The following MCF2L2 variants were observed in gnomAD, a reference collection of about 807,000 sequenced individuals.
MCF2L2 encodes the protein probable guanine nucleotide exchange factor MCF2L2.
In MCF2L2, 102 loss-of-function variants were observed where a neutral mutation model predicts 150.2. The observed-to-expected ratio is 0.68, with a 90% CI of 0.58 to 0.80. The LOEUF (loss-of-function observed/expected upper bound fraction) is 0.80. Ranked by LOEUF, MCF2L2 falls within the 30% of genes least tolerant of loss-of-function variation. The pLI, the probability that MCF2L2 is intolerant of heterozygous loss-of-function variation, is 0.00. For missense variants in MCF2L2, 1,256 were observed against 1,372.8 expected, an observed-to-expected ratio of 0.91 and a Z score of 1.34; for synonymous variants, 465 against 491.3, an observed-to-expected ratio of 0.95 and a Z score of 0.71.
chr3:183,342,620 ATGTGTGTGTGTGTGTG>A (rs57683720), intron 3 of MCF2L2, among the ~76,000 whole-genome samples: 18,654 of 142,948 alleles, frequency 0.13, 1,281 homozygotes, highest in East Asian at 0.21. Context: ...TGAAGATTAA[ATGTGTGTGTGTGTGTG>A]TGTGTGTGTG....
intron 15 of MCF2L2, among the ~76,000 whole-genome samples, chr3:183,256,297 A>ATATCTCTGTG (rs913112673): frequency 6.6e-5 from 10 of 152,218 alleles, no homozygotes; most frequent in African/African-American, 2.4e-4. Context: ...TCTGTGAGCG[A>ATATCTCTGTG]AGATGTAACC....
intron 3 of MCF2L2, among the ~76,000 whole-genome samples, chr3:183,341,831 G>A (rs1000242084): frequency 6.6e-6 from 1 of 152,198 alleles, no homozygotes; most frequent in Non-Finnish European, 1.5e-5. Flanking sequence ...AGACCCACTG[G>A]AGGACTCCCT....
At chr3:183,308,122 CT>C (rs1729189334) in intron 10 of MCF2L2, among the ~76,000 whole-genome samples, 1 of 152,044 alleles carries the variant, frequency 6.6e-6, no homozygotes, top group South Asian at 2.1e-4. Context: ...TATTTGATTG[CT>C]TTTTAGTGAA....
chr3:183,241,784 G>T (rs1186886224), intron 15 of MCF2L2, among the ~76,000 whole-genome samples: 1 of 152,204 alleles, frequency 6.6e-6, no homozygotes, highest in Non-Finnish European at 1.5e-5. Context: ...AACAGGCAGA[G>T]GTTGAAACAG....
chr3:183,326,541 T>C (rs1476148305), intron 5 of MCF2L2, among the ~76,000 whole-genome samples: 1 of 151,018 alleles, frequency 6.6e-6, no homozygotes, highest in Non-Finnish European at 1.5e-5. Flanking sequence ...CAAACCTTTT[T>C]ATCCTGTGAA....
intron 10 of MCF2L2, among the ~76,000 whole-genome samples, chr3:183,306,862 T>G (rs1729124238): frequency 6.6e-6 from 1 of 152,184 alleles, no homozygotes; most frequent in Non-Finnish European, 1.5e-5. Context: ...AAGGCTGAAA[T>G]CAGGTGGTTC....
At chr3:183,221,456 G>A (rs1448751234) in intron 20 of MCF2L2, among the ~76,000 whole-genome samples, 3 of 152,166 alleles carry the variant, frequency 2.0e-5, no homozygotes, top group African/African-American at 7.2e-5. Flanking sequence ...AAGGGTCAGA[G>A]CCTGGATTCA....
intron 15 of MCF2L2, among the ~76,000 whole-genome samples, chr3:183,252,397 C>A (rs1724593379): frequency 6.6e-6 from 1 of 152,156 alleles, no homozygotes; most frequent in African/African-American, 2.4e-5. Flanking sequence ...GAGCCATGCC[C>A]TGTGTAGGCA....
chr3:183,329,760 T>C (rs73053362), intron 5 of MCF2L2, among the ~76,000 whole-genome samples: 35,371 of 152,210 alleles, frequency 0.23, 4,663 homozygotes, highest in African/African-American at 0.35. Flanking sequence ...TAGGCAATTT[T>C]GTTGCTATTC....
intron 15 of MCF2L2, among the ~76,000 whole-genome samples, chr3:183,235,469 T>C (rs1277859823): frequency 1.4e-5 from 1 of 71,126 alleles, no homozygotes; most frequent in Non-Finnish European, 2.5e-5. Context: ...CATTTCTTCA[T>C]GTGTTTTTTG....
chr3:183,419,472 A>T (rs1403327657), intron 1 of MCF2L2, among the ~76,000 whole-genome samples: 1 of 152,264 alleles, frequency 6.6e-6, no homozygotes, highest in Admixed American at 6.5e-5. Context: ...GGTAGGCTGC[A>T]AAATTTCCAA....
At position 183,341,683 on chromosome 3, in the gene MCF2L2, T is replaced by C. The variant is rs6799648; in HGVS notation, c.276-53A>G. 8,258 of 1,265,138 alleles carry C rather than the reference T, an allele frequency of 6.5e-3. 392 individuals are homozygous for C. In the African/African-American group the frequency reaches 0.1, roughly 16 times the overall value. The allele number at this position is 1,265,138 out of a possible 1,614,324, so 78.4% of individuals were successfully genotyped here. On this transcript the variant is annotated intron_variant, in intron 3 of 29. Coordinates refer to ENST00000328913, the MANE Select transcript of MCF2L2 (RefSeq NM_015078.4). ...GATTAGGTGAGACCCATATGCTCCA[T>C]GTGGCTCCCACAGCAGAATACACCC...
intron 15 of MCF2L2, among the ~76,000 whole-genome samples, chr3:183,238,914 G>A (rs1723870725): frequency 6.7e-6 from 1 of 149,674 alleles, no homozygotes; most frequent in African/African-American, 2.5e-5. Context: ...GGAGAATGGC[G>A]TGGACCCCGG....
chr3:183,380,297 A>G (rs1401914174), intron 2 of MCF2L2, among the ~76,000 whole-genome samples: 1 of 152,218 alleles, frequency 6.6e-6, no homozygotes, highest in African/African-American at 2.4e-5. Context: ...TCATGGGAGC[A>G]CTGTGACTGT....
intron 1 of MCF2L2, among the ~76,000 whole-genome samples, chr3:183,426,181 G>C (rs1716155581): frequency 6.6e-6 from 1 of 152,102 alleles, no homozygotes; most frequent in Non-Finnish European, 1.5e-5. Flanking sequence ...AAGGAGGGAG[G>C]GAGCAAGGTA....
At chr3:183,257,145 G>A (rs1302363871) in intron 15 of MCF2L2, among the ~76,000 whole-genome samples, 3 of 152,182 alleles carry the variant, frequency 2.0e-5, no homozygotes, top group Non-Finnish European at 2.9e-5. Flanking sequence ...TTGCACAGAT[G>A]GAACATCTAA....
chr3:183,190,328 C>A (rs1467658401), intron 27 of MCF2L2, among the ~76,000 whole-genome samples: 1 of 152,218 alleles, frequency 6.6e-6, no homozygotes, highest in Non-Finnish European at 1.5e-5. Context: ...TAATGAGGTC[C>A]TCATGGCCAT....
chr3:183,223,449 C>T lies in MCF2L2; in HGVS notation c.2209-11G>A. On this transcript the variant is annotated splice_polypyrimidine_tract_variant and intron_variant, in intron 19 of 29. Transcript: ENST00000328913. ...TTGGCGCTGGCATACCTTTAAAAGC[C>T]AAATAGAAACAACATAAAGCAAAAC... The T allele has an allele frequency of 6.3e-7, 1 of 1,589,496 alleles. No homozygotes were observed. The highest frequency in any genetic ancestry group is 8.6e-7 in the Non-Finnish European group (1 of 1,157,704).
intron 1 of MCF2L2, among the ~76,000 whole-genome samples, chr3:183,419,540 T>C (rs1481719088): frequency 6.6e-6 from 1 of 152,228 alleles, no homozygotes; most frequent in African/African-American, 2.4e-5. Flanking sequence ...CATCTCTTTG[T>C]GAATGCATAT....
Sources: gnomAD v4.1 joint callset for allele counts (sites outside exome capture counted in the v4.1 genomes callset) on GRCh38, gnomAD v4.1.1 for gene constraint, MANE v1.5 for transcripts, NCBI Gene and HGNC (gene_info 2026-07-23, HGNC 2026-07-21) for gene names.